The following ZCCHC17 variants were observed in gnomAD, a reference collection of about 807,000 sequenced individuals.
ZCCHC17 encodes zinc finger CCHC-type containing 17.
A neutral mutation model predicts 30.6 loss-of-function variants in ZCCHC17; 18 were observed. The observed-to-expected ratio is 0.59, with a 90% confidence interval of 0.41 to 0.87. ZCCHC17 has a LOEUF of 0.87. Ranked by LOEUF, ZCCHC17 falls within the 40% of genes least tolerant of loss-of-function variation. The pLI is 0.00. For synonymous variants in ZCCHC17, 88 were observed against 92.4 expected (o/e 0.95, Z 0.27); for missense variants, 263 against 284.2 (o/e 0.93, Z 0.54).
chr1:31,349,052 G>A, intron 7 of ZCCHC17, 78 bp downstream of exon 7: 1 of 1,469,608 alleles, frequency 6.8e-7, no homozygotes, highest in Non-Finnish European at 9.1e-7. Context: ...TCATGCAGCA[G>A]TACACACCTG....
intron 7 of ZCCHC17, among the ~76,000 whole-genome samples, chr1:31,360,477 A>G (rs1197082835): frequency 6.6e-6 from 1 of 152,220 alleles, no homozygotes; most frequent in Non-Finnish European, 1.5e-5. Context: ...GCGAACTACA[A>G]CTTCGGATGT....
intron 7 of ZCCHC17, among the ~76,000 whole-genome samples, chr1:31,354,924 C>T (rs940367332): frequency 3.3e-5 from 5 of 152,116 alleles, no homozygotes; most frequent in African/African-American, 1.2e-4. Context: ...CCTGTAATCC[C>T]AGCACTTTGG....
At chr1:31,346,140 A>G (rs1261148030) in intron 5 of ZCCHC17, among the ~76,000 whole-genome samples, 2 of 152,174 alleles carry the variant, frequency 1.3e-5, no homozygotes, top group African/African-American at 4.8e-5. Flanking sequence ...GTGAGAGTCA[A>G]GTGGGGAAAC....
chr1:31,338,039 G>A (rs1382476717), intron 4 of ZCCHC17, among the ~76,000 whole-genome samples: 3 of 151,852 alleles, frequency 2.0e-5, no homozygotes, highest in African/African-American at 7.3e-5. Flanking sequence ...GTGCCATCAC[G>A]GCTCACTGCA....
chr1:31,302,244 G>A (rs1395307757), intron 1 of ZCCHC17, among the ~76,000 whole-genome samples: 2 of 152,012 alleles, frequency 1.3e-5, no homozygotes, highest in Non-Finnish European at 2.9e-5. Flanking sequence ...AAAGAAAAAA[G>A]AAGTGTTCCA....
intron 2 of ZCCHC17, among the ~76,000 whole-genome samples, chr1:31,317,623 A>G (rs1052141947): frequency 3.1e-5 from 4 of 128,964 alleles, no homozygotes; most frequent in African/African-American, 1.1e-4. Context: ...CTATACCTAT[A>G]CTGTTATTTT....
intron 3 of ZCCHC17, among the ~76,000 whole-genome samples, chr1:31,322,334 A>G (rs1026342464): frequency 6.6e-6 from 1 of 152,176 alleles, no homozygotes; most frequent in Admixed American, 6.5e-5. Flanking sequence ...CAGATTACCT[A>G]CACTTTTGTC....
At chr1:31,350,783 G>A (rs372835866) in intron 7 of ZCCHC17, among the ~76,000 whole-genome samples, 1 of 152,032 alleles carries the variant, frequency 6.6e-6, no homozygotes, top group African/African-American at 2.4e-5. Flanking sequence ...TATTTTTTTA[G>A]TAGAGACAGG....
At chr1:31,304,036 C>T (rs368541674) in intron 1 of ZCCHC17, among the ~76,000 whole-genome samples, 19 of 152,308 alleles carry the variant, frequency 1.2e-4, no homozygotes, top group African/African-American at 4.6e-4. Flanking sequence ...CCATCCCATA[C>T]TTTCCTTTCT....
At chr1:31,358,087 G>C (rs1337073547) in intron 7 of ZCCHC17, among the ~76,000 whole-genome samples, 1 of 152,260 alleles carries the variant, frequency 6.6e-6, no homozygotes, top group Non-Finnish European at 1.5e-5. Context: ...TGTTGTTTGA[G>C]TGGATATCAG....
At chr1:31,298,900 G>A (rs1467461933) in intron 1 of ZCCHC17, among the ~76,000 whole-genome samples, 1 of 152,234 alleles carries the variant, frequency 6.6e-6, no homozygotes, top group African/African-American at 2.4e-5. Context: ...GTGAAGAACA[G>A]GTGAACCTAC....
chr1:31,363,888 C>T (rs911797379), intron 7 of ZCCHC17, 144 bp from the exon 8 acceptor site: 1 of 1,336,462 alleles, frequency 7.5e-7, no homozygotes, highest in East Asian at 2.5e-5. Flanking sequence ...ATCTTGAACT[C>T]CTGGCCTCAA....
chr1:31,364,503 G>A lies in ZCCHC17; in HGVS notation c.*310G>A, dbSNP rs1484069110. 2.2e-5 allele frequency: 8 copies of A among 358,782 alleles called. No homozygotes were observed. The highest frequency in any genetic ancestry group is 1.6e-4 in the African/African-American group (8 of 49,352). 22.2% of individuals were successfully genotyped at this position (358,782 alleles called of 1,614,324 possible). A position where few individuals can be genotyped will look rare whatever the true frequency, so the allele number is the denominator to read the frequency against. On this transcript the variant is annotated 3_prime_UTR_variant, in exon 8 of 8. Coordinates refer to ENST00000344147, the MANE Select transcript of ZCCHC17 (RefSeq NM_016505.4). ...TTACCCTCTCCAGCTGCCACTGCCA[G>A]AGCTGGATTCCTGTAAAGGAGTCCA...
chr1:31,333,268 A>C (rs1177413823), intron 3 of ZCCHC17: 2 of 148,540 alleles, frequency 1.3e-5, no homozygotes, highest in Non-Finnish European at 3.0e-5. Flanking sequence ...TCACACCTGT[A>C]ATCCCAGCAC....
intron 2 of ZCCHC17, among the ~76,000 whole-genome samples, chr1:31,315,907 C>T (rs552875621): frequency 1.3e-5 from 2 of 152,202 alleles, no homozygotes; most frequent in African/African-American, 4.8e-5. Context: ...TGAAACAATG[C>T]CTAAACAGTT....
chr1:31,314,948 T>A (rs897914340), intron 2 of ZCCHC17, among the ~76,000 whole-genome samples: 14 of 152,220 alleles, frequency 9.2e-5, no homozygotes, highest in Non-Finnish European at 1.9e-4. Flanking sequence ...ATTATAGATG[T>A]GAGCCACCGC....
chr1:31,354,152 C>T (rs1440223258), intron 7 of ZCCHC17, among the ~76,000 whole-genome samples: 1 of 152,098 alleles, frequency 6.6e-6, no homozygotes, highest in Non-Finnish European at 1.5e-5. Context: ...TGTCTTTCAT[C>T]TCCTTGGTTA....
At chr1:31,340,401 T>C (rs1212756819) in intron 5 of ZCCHC17, among the ~76,000 whole-genome samples, 1 of 135,670 alleles carries the variant, frequency 7.4e-6, no homozygotes, top group African/African-American at 2.7e-5. Context: ...CACCGCAACC[T>C]CCGCCTCCCA....
intron 7 of ZCCHC17, among the ~76,000 whole-genome samples, chr1:31,356,176 G>A (rs144911731): frequency 5.9e-5 from 9 of 152,228 alleles, no homozygotes; most frequent in Admixed American, 2.6e-4. Context: ...ACACTCAAGC[G>A]GCTAATCATA....
Sources: gnomAD v4.1 joint callset for allele counts (sites outside exome capture counted in the v4.1 genomes callset) on GRCh38, gnomAD v4.1.1 for gene constraint, MANE v1.5 for transcripts, NCBI Gene and HGNC (gene_info 2026-07-23, HGNC 2026-07-21) for gene names.